NEBL: variants seen among roughly 807,000 people sequenced by gnomAD.
NEBL encodes the protein nebulette.
In NEBL, 122 loss-of-function variants were observed where a neutral mutation model predicts 140.2. The ratio of observed to expected loss-of-function variants is 0.87; its 90% CI spans 0.75 to 1.01. The LOEUF (loss-of-function observed/expected upper bound fraction) is 1.01. Ranked by LOEUF, NEBL falls within the 50% of genes least tolerant of loss-of-function variation. The pLI is 0.00. For synonymous variants in NEBL, 436 were observed against 398.9 expected, an observed-to-expected ratio of 1.09 and a Z score of -1.11; for missense variants, 1,365 against 1,231.3, an observed-to-expected ratio of 1.11 and a Z score of -1.62.
At chr10:20,937,686 C>A (rs1361904370) in intron 4 of NEBL, among the ~76,000 whole-genome samples, 1 of 152,168 alleles carries the variant, frequency 6.6e-6, no homozygotes, top group African/African-American at 2.4e-5. Context: ...ATTCCCTTTC[C>A]TAGTCAAAGA....
intron 2 of NEBL, among the ~76,000 whole-genome samples, chr10:21,160,271 G>A (rs921409684): frequency 9.9e-5 from 15 of 152,050 alleles, no homozygotes; most frequent in Admixed American, 3.9e-4. Flanking sequence ...AGCAGCCCCC[G>A]TGTGCAAATC....
chr10:21,074,126 C>T (rs1422685305), intron 2 of NEBL, among the ~76,000 whole-genome samples: 2 of 152,080 alleles, frequency 1.3e-5, no homozygotes, highest in East Asian at 1.9e-4. Context: ...TATGCCAAGC[C>T]ACATTATTCC....
intron 26 of NEBL, chr10:20,804,621 G>A (rs1837438191): frequency 6.6e-6 from 1 of 152,310 alleles, no homozygotes; most frequent in South Asian, 2.1e-4. Flanking sequence ...CAAATATCTG[G>A]GGTGGCAGAA....
chr10:20,918,085 G>A (rs190975114), intron 4 of NEBL, among the ~76,000 whole-genome samples: 136 of 152,294 alleles, frequency 8.9e-4, no homozygotes, highest in Admixed American at 1.6e-3. Flanking sequence ...CAGGCCAGGT[G>A]CAGTGACTCA....
chr10:21,219,429 T>A (rs903992637), intron 3 of NEBL, among the ~76,000 whole-genome samples: 2 of 152,136 alleles, frequency 1.3e-5, no homozygotes, highest in African/African-American at 4.8e-5. Context: ...TCTATTACCA[T>A]TTTTTTCCTC....
At chr10:21,284,409 C>G (rs2132300972) in intron 1 of NEBL, among the ~76,000 whole-genome samples, 1 of 145,610 alleles carries the variant, frequency 6.9e-6, no homozygotes, top group Middle Eastern at 3.5e-3. Context: ...CAGCCCAAGT[C>G]AGCCCAAGTT....
chr10:20,894,095 A>G (rs1564427561), intron 2 of NEBL, among the ~76,000 whole-genome samples: 1 of 152,212 alleles, frequency 6.6e-6, no homozygotes, highest in African/African-American at 2.4e-5. Context: ...TTAAGGATAT[A>G]TGAAAGCTGG....
At chr10:20,901,508 T>C (rs1847867981), upstream of NEBL, among the ~76,000 whole-genome samples, 1 of 152,152 alleles carries the variant, frequency 6.6e-6, no homozygotes, top group African/African-American at 2.4e-5. Flanking sequence ...TTCCTCAACA[T>C]GGTGATACAT....
At chr10:20,929,544 C>T (rs967684111) in intron 4 of NEBL, among the ~76,000 whole-genome samples, 4 of 152,128 alleles carry the variant, frequency 2.6e-5, no homozygotes, top group African/African-American at 9.7e-5. Flanking sequence ...TCTATGTATA[C>T]ATATACACAT....
At chr10:20,993,234 C>T (rs1370251853) in intron 3 of NEBL, among the ~76,000 whole-genome samples, 2 of 152,112 alleles carry the variant, frequency 1.3e-5, no homozygotes, top group Non-Finnish European at 2.9e-5. Flanking sequence ...TTCATGCAAC[C>T]TCTGGTCATG....
At chr10:21,078,071 G>A (rs911250131) in intron 2 of NEBL, among the ~76,000 whole-genome samples, 6 of 152,172 alleles carry the variant, frequency 3.9e-5, no homozygotes, top group East Asian at 1.9e-4. Context: ...CAGAATGGAC[G>A]GGAGGAGGAG....
intron 26 of NEBL, among the ~76,000 whole-genome samples, chr10:20,800,591 G>A (rs1837023427): frequency 6.6e-6 from 1 of 151,974 alleles, no homozygotes; most frequent in Non-Finnish European, 1.5e-5. Flanking sequence ...CATTCCCACT[G>A]TGTGCTAAAG....
chr10:21,025,216 A>G (rs1838976998), intron 2 of NEBL, among the ~76,000 whole-genome samples: 1 of 152,316 alleles, frequency 6.6e-6, no homozygotes, highest in South Asian at 2.1e-4. Context: ...ACAAAACATA[A>G]TTGTGGAAAT....
chr10:21,117,385 T>C (rs577498108), intron 2 of NEBL, among the ~76,000 whole-genome samples: 4 of 152,250 alleles, frequency 2.6e-5, no homozygotes, highest in African/African-American at 9.6e-5. Context: ...CTAACCTTGG[T>C]TAGATCTCTT....
chr10:20,881,155 T>C lies in NEBL; in HGVS notation c.370-251A>G, dbSNP rs75660171. Among the ~76,000 whole-genome samples the C allele has an allele frequency of 1.1e-3, 168 of 152,322 alleles. 2 individuals carry two copies. The East Asian group carries it at 0.03, about 27-fold the overall frequency. On this transcript the variant is annotated intron_variant, in intron 4 of 27. Coordinates refer to ENST00000377122, the MANE Select transcript of NEBL (RefSeq NM_006393.3). ...GATGAAATTTCCATTTTTATTCATC[T>C]AGCTTAAACCTCGGGTGTAGTTTTG...
intron 3 of NEBL, among the ~76,000 whole-genome samples, chr10:21,230,355 T>G (rs1425695597): frequency 1.3e-5 from 2 of 152,132 alleles, no homozygotes; most frequent in Admixed American, 1.3e-4. Flanking sequence ...TGAGCATGCA[T>G]GTTAAAGCAC....
In NEBL at chr10:21,187,131, AC is replaced by A. The variant is rs529883200; in HGVS notation, n.349-14655del. 3.4e-3 allele frequency among the ~76,000 whole-genome samples: 520 copies of A among 152,234 alleles called. 3 individuals carry two copies. The highest frequency in any genetic ancestry group is 0.012 in the African/African-American group (495 of 41,520). On this transcript the variant is annotated intron_variant and non_coding_transcript_variant, in intron 3 of 8. Transcript: ENST00000675702. ...AGTACGTACCTATGTATATATACAT[AC>A]ATACATACACACATGCACACGTCTG...
At chr10:20,803,807 C>T (rs867729078) in intron 26 of NEBL, among the ~76,000 whole-genome samples, 14 of 89,690 alleles carry the variant, frequency 1.6e-4, no homozygotes, top group Admixed American at 1.4e-3. Context: ...TCCTTCTGTA[C>T]GAAAAATATA....
At chr10:21,008,850 A>G (rs1416901290) in intron 3 of NEBL, among the ~76,000 whole-genome samples, 1 of 152,072 alleles carries the variant, frequency 6.6e-6, no homozygotes, top group Non-Finnish European at 1.5e-5. Flanking sequence ...TTCCCTGCAA[A>G]TAAGGGGTGT....
Sources: gnomAD v4.1 joint callset for allele counts (sites outside exome capture counted in the v4.1 genomes callset) on GRCh38, gnomAD v4.1.1 for gene constraint, MANE v1.5 for transcripts, NCBI Gene and HGNC (gene_info 2026-07-23, HGNC 2026-07-21) for gene names.